Variants in PTPRD observed in about 807,000 individuals in gnomAD.
PTPRD encodes the protein receptor-type tyrosine-protein phosphatase delta.
A neutral mutation model predicts 214.5 loss-of-function variants in PTPRD; 34 were observed. That is an observed-to-expected ratio of 0.16 (90% CI 0.12 to 0.21). The LOEUF is 0.21. Ranked by LOEUF, PTPRD falls within the 10% of genes least tolerant of loss-of-function variation. PTPRD has a pLI of 1.00. For missense variants in PTPRD, 2,545 were observed against 2,398.7 expected, an observed-to-expected ratio of 1.06 and a Z score of -1.27; for synonymous variants, 1,128 against 845.7, an observed-to-expected ratio of 1.33 and a Z score of -5.79.
intron 6 of PTPRD, among the ~76,000 whole-genome samples, chr9:9,752,928 C>T (rs1253776546): frequency 6.6e-6 from 1 of 151,994 alleles, no homozygotes; most frequent in Non-Finnish European, 1.5e-5. Flanking sequence ...ACTGGAATGG[C>T]TGAACTTTGG....
intron 11 of PTPRD, among the ~76,000 whole-genome samples, chr9:8,921,099 C>G (rs2154269785): frequency 6.6e-6 from 1 of 152,268 alleles, no homozygotes. Flanking sequence ...CAGGCGTGAA[C>G]CACCGCGTCT....
intron 2 of PTPRD, among the ~76,000 whole-genome samples, chr9:10,341,488 G>T (rs148695588): frequency 4.6e-5 from 7 of 151,790 alleles, no homozygotes; most frequent in African/African-American, 1.7e-4. Context: ...AATGTTTTGC[G>T]TTTCAAAGAT....
At chr9:8,342,095 T>C (rs1055250617) in intron 39 of PTPRD, 117 bp from the exon 40 acceptor site, 5 of 1,077,008 alleles carry the variant, frequency 4.6e-6, no homozygotes, top group Admixed American at 6.0e-5. Context: ...TCTACTCAAA[T>C]AGCTATTGGG....
At chr9:8,460,349 G>C (rs1386172087) in intron 33 of PTPRD, 62 bp downstream of exon 33, 53 of 1,581,408 alleles carry the variant, frequency 3.4e-5, no homozygotes, top group Non-Finnish European at 4.2e-5. Context: ...GCAGAACAAT[G>C]ATCAAGTCTT....
intron 14 of PTPRD, among the ~76,000 whole-genome samples, chr9:8,630,831 T>A (rs921585250): frequency 6.6e-6 from 1 of 151,908 alleles, no homozygotes; most frequent in African/African-American, 2.4e-5. Context: ...AGTAAAGTGA[T>A]ATTTTGCTCC....
At chr9:9,269,783 C>A (rs1051206375) in intron 9 of PTPRD, among the ~76,000 whole-genome samples, 2 of 151,110 alleles carry the variant, frequency 1.3e-5, no homozygotes, top group African/African-American at 4.9e-5. Flanking sequence ...CATGATTCCA[C>A]TTATACATGC....
At chr9:9,765,747 A>G (rs1240160693) in intron 6 of PTPRD, among the ~76,000 whole-genome samples, 1 of 151,750 alleles carries the variant, frequency 6.6e-6, no homozygotes, top group East Asian at 1.9e-4. Flanking sequence ...TGCAAGCTTC[A>G]CCTCCTGGGT....
chr9:9,850,198 T>C (rs2060275969), intron 5 of PTPRD, among the ~76,000 whole-genome samples: 1 of 152,300 alleles, frequency 6.6e-6, no homozygotes, highest in African/African-American at 2.4e-5. Flanking sequence ...TTTTAGCCTT[T>C]CTTTTTGAAT....
At chr9:10,156,265 A>AG (rs1305039965) in intron 3 of PTPRD, among the ~76,000 whole-genome samples, 1 of 151,918 alleles carries the variant, frequency 6.6e-6, no homozygotes, top group Non-Finnish European at 1.5e-5. Context: ...TTTTAATGTG[A>AG]GGATTTAGTG....
intron 10 of PTPRD, among the ~76,000 whole-genome samples, chr9:9,144,645 C>T (rs2099865635): frequency 6.6e-6 from 1 of 151,932 alleles, no homozygotes; most frequent in Non-Finnish European, 1.5e-5. Flanking sequence ...CCCAGCTACT[C>T]CGGAGGTTGA....
chr9:10,462,572 T>C (rs1282721337), intron 2 of PTPRD, among the ~76,000 whole-genome samples: 3 of 152,080 alleles, frequency 2.0e-5, no homozygotes, highest in Non-Finnish European at 4.4e-5. Flanking sequence ...AGAAAAACTA[T>C]CTTGGGGGAA....
intron 8 of PTPRD, among the ~76,000 whole-genome samples, chr9:9,428,715 A>G (rs1057249143): frequency 1.3e-5 from 2 of 152,240 alleles, no homozygotes; most frequent in African/African-American, 2.4e-5. Flanking sequence ...CTCAGACCAC[A>G]GTGCAATCAA....
intron 2 of PTPRD, among the ~76,000 whole-genome samples, chr9:10,593,584 G>A (rs764040966): frequency 1.3e-5 from 2 of 151,886 alleles, no homozygotes; most frequent in African/African-American, 2.4e-5. Context: ...CTGTGTTCTT[G>A]TTCTAAATAT....
intron 3 of PTPRD, among the ~76,000 whole-genome samples, chr9:10,252,336 C>T (rs1489318237): frequency 6.6e-6 from 1 of 151,990 alleles, no homozygotes; most frequent in Non-Finnish European, 1.5e-5. Context: ...TGTTGGAATC[C>T]AGTCACCATG....
At chr9:9,652,404 C>G (rs552429819) in intron 7 of PTPRD, among the ~76,000 whole-genome samples, 4 of 152,174 alleles carry the variant, frequency 2.6e-5, no homozygotes, top group African/African-American at 9.6e-5. Context: ...ACCTTATCTC[C>G]TACATAATGA....
chr9:10,184,336 A>G (rs1384199804), intron 3 of PTPRD, among the ~76,000 whole-genome samples: 3 of 152,286 alleles, frequency 2.0e-5, no homozygotes, highest in Admixed American at 2.0e-4. Flanking sequence ...GAGGCATGAG[A>G]ATCACTTGAA....
chr9:10,450,409 A>C (rs1170533770), intron 2 of PTPRD, among the ~76,000 whole-genome samples: 2 of 151,982 alleles, frequency 1.3e-5, no homozygotes, highest in African/African-American at 4.8e-5. Flanking sequence ...GGGAACTATA[A>C]GCAATTTGTA....
chr9:9,038,562 T>G (rs1195978759), intron 10 of PTPRD, among the ~76,000 whole-genome samples: 5 of 150,492 alleles, frequency 3.3e-5, no homozygotes, highest in South Asian at 2.1e-4. Context: ...GGTTTTTTTT[T>G]TTTTTTTTTT....
chr9:8,553,418 C>G (rs1478654959), intron 14 of PTPRD, among the ~76,000 whole-genome samples: 2 of 152,124 alleles, frequency 1.3e-5, no homozygotes, highest in East Asian at 3.9e-4. Flanking sequence ...ATTTGGTTTG[C>G]TTTCATGTAT....
Sources: allele counts gnomAD v4.1 joint callset (sites outside exome capture counted in the v4.1 genomes callset), GRCh38; gene constraint gnomAD v4.1.1; transcripts MANE v1.5; gene names NCBI Gene and HGNC (gene_info 2026-07-23, HGNC 2026-07-21).